The following SECISBP2 variants were observed in gnomAD, a reference collection of about 807,000 sequenced individuals.
SECISBP2 encodes the protein SECIS binding protein 2.
A neutral mutation model predicts 98.2 loss-of-function variants in SECISBP2; 96 were observed. That is an observed-to-expected ratio of 0.98 (90% confidence interval 0.83 to 1.16). The LOEUF (loss-of-function observed/expected upper bound fraction) is 1.16, where lower values mean the gene tolerates loss of function less well. Ranked by LOEUF, SECISBP2 falls within the 50% of genes most tolerant of loss-of-function variation. The pLI, the probability that SECISBP2 is intolerant of heterozygous loss-of-function variation, is 0.00. For missense variants in SECISBP2, 1,046 were observed against 1,022.9 expected (o/e 1.02, Z -0.31); for synonymous variants, 407 against 370.2 (o/e 1.10, Z -1.14).
At chr9:89,330,091 A>G (rs1347559539) in intron 5 of SECISBP2, 2 of 152,218 alleles carry the variant, frequency 1.3e-5, no homozygotes, top group Non-Finnish European at 2.9e-5. Flanking sequence ...TGTTTTGTTT[A>G]AAGTCACAGT....
At chr9:89,336,106 T>TTTTTC (rs1828657286) in intron 7 of SECISBP2, among the ~76,000 whole-genome samples, 1 of 144,186 alleles carries the variant, frequency 6.9e-6, no homozygotes, top group African/African-American at 2.6e-5. Context: ...TTTTTTTTTT[T>TTTTTC]TTCACTGCAG....
downstream of SECISBP2, chr9:89,364,055 A>C: frequency 6.2e-7 from 1 of 1,601,564 alleles, no homozygotes; most frequent in Non-Finnish European, 8.5e-7. Context: ...GTTGGACCTG[A>C]AGTGACTTGG....
At chr9:89,347,462 ATTC>A (rs1415863822) in intron 11 of SECISBP2, among the ~76,000 whole-genome samples, 1 of 132,282 alleles carries the variant, frequency 7.6e-6, no homozygotes, top group Non-Finnish European at 1.6e-5. Context: ...CCTCCGGTGA[ATTC>A]TTTTTTTTTT....
Position 89,328,717 on chromosome 9 carries a change from C to T in SECISBP2, c.632C>T (p.Thr211Ile), listed in dbSNP as rs1827205747. 4 of 1,614,168 alleles carry T rather than the reference C, an allele frequency of 2.5e-6. No individual in the cohort carries two copies. Among genetic ancestry groups the T allele is most frequent in the Non-Finnish European group, 3.4e-6 (4 of 1,180,012 alleles). Reference protein sequence around the residue: ...KSRIIAKNVSTSKPEFEFTTL... With the variant: ...KSRIIAKNVSISKPEFEFTTL... ...AGAATCATTGCAAAAAATGTATCTA[C>T]CTCCAAACCTGAGTTTGAATTTACC... The change falls in exon 5 of 17, where the codon ACC (threonine) becomes ATC (isoleucine). Residue 211 changes from threonine (T) to isoleucine (I), a missense_variant. Transcript: ENST00000375807.
intron 5 of SECISBP2, among the ~76,000 whole-genome samples, chr9:89,332,042 A>G (rs1827837101): frequency 6.6e-6 from 1 of 152,226 alleles, no homozygotes; most frequent in Non-Finnish European, 1.5e-5. Flanking sequence ...GGAAATTTTA[A>G]TTAGCATATA....
intron 14 of SECISBP2, among the ~76,000 whole-genome samples, chr9:89,352,851 T>A (rs940724388): frequency 3.3e-5 from 5 of 151,988 alleles, no homozygotes; most frequent in African/African-American, 4.8e-5. Flanking sequence ...TTTTTTTTTT[T>A]AATCACGTTG....
In SECISBP2 at chr9:89,325,624, A is replaced by G; in HGVS notation, c.380A>G (p.His127Arg). The change falls in exon 3 of 17, where the codon CAT becomes CGT. Residue 127 changes from histidine (H) to arginine (R), a missense_variant. Transcript: ENST00000375807. ...SCYRGFQTVK[H>R]RNENTCPLPQ... ...TACCGAGGTTTTCAAACAGTGAAGC[A>G]TCGAAATGAGAACACATGCCCTCTC... The G allele has an allele frequency of 6.2e-7, 1 of 1,614,204 alleles. No individual in the cohort carries two copies. Among genetic ancestry groups the G allele is most frequent in the African/African-American group, 1.3e-5 (1 of 75,068 alleles).
intron 2 of SECISBP2, 38 bp downstream of exon 2, chr9:89,319,835 AT>A: frequency 6.2e-7 from 1 of 1,607,008 alleles, no homozygotes; most frequent in Non-Finnish European, 8.5e-7. Context: ...AGGGGCTTAC[AT>A]TTTGGATTTA....
At chr9:89,364,034 C>A, downstream of SECISBP2, 1 of 1,611,090 alleles carries the variant, frequency 6.2e-7, no homozygotes, top group East Asian at 2.2e-5. Context: ...GGGGTTACCT[C>A]TGCTGTCCCA....
At chr9:89,343,701 A>G (rs991986713) in intron 10 of SECISBP2, among the ~76,000 whole-genome samples, 2 of 152,224 alleles carry the variant, frequency 1.3e-5, no homozygotes, top group African/African-American at 2.4e-5. Flanking sequence ...ATAGTATTCC[A>G]TGGTGTATAT....
chr9:89,342,212 AT>A (rs1194601294), intron 10 of SECISBP2, among the ~76,000 whole-genome samples: 1 of 152,272 alleles, frequency 6.6e-6, no homozygotes, highest in Non-Finnish European at 1.5e-5. Context: ...AGGGAAATAA[AT>A]ATTAATCAAA....
rs1827990748 is a variant in SECISBP2, at chr9:89,332,891, A to T, written c.802-17A>T. On this transcript the variant is annotated splice_polypyrimidine_tract_variant and intron_variant, in intron 5 of 16. Transcript: ENST00000375807. ...ATTTGCATTTCTCTGATGACATCTA[A>T]TGTGTTTGCTTTTTAGGGTGAAATA... The T allele has an allele frequency of 6.3e-7, 1 of 1,597,956 alleles. No individual in the cohort carries two copies. The highest frequency in any genetic ancestry group is 1.3e-5 in the African/African-American group (1 of 74,362).
rs932926768 is a variant in SECISBP2 at position 89,339,792 on chromosome 9, T to C, written c.1213-72T>C. On this transcript the variant is annotated intron_variant, in intron 8 of 16. Transcript: ENST00000375807. ...GGGACCTTACTGAAGAATGAAAATA[T>C]AAGCAAGGAAAAGGTTGCACTTGGC... 22 of 1,067,628 alleles carry C rather than the reference T, an allele frequency of 2.1e-5. 1 individual carries two copies. The highest frequency in any genetic ancestry group is 6.8e-5 in the Admixed American group (4 of 59,158). 66.1% of individuals were successfully genotyped at this position (1,067,628 alleles called of 1,614,324 possible). A position where few individuals can be genotyped will look rare whatever the true frequency, so the allele number is the denominator to read the frequency against.
At chr9:89,366,652 A>C in the SECISBP2 span, among the ~76,000 whole-genome samples, 2 of 152,250 alleles carry the variant, frequency 1.3e-5, no homozygotes, top group African/African-American at 4.8e-5. Context: ...ATATGTCTCT[A>C]TGTACATCTA....
chr9:89,334,636 C>T lies in SECISBP2; in HGVS notation c.995C>T (p.Ala332Val). The T allele has an allele frequency of 6.2e-7, 1 of 1,613,966 alleles. No homozygotes were observed. ...AACTTAAAGACCATTGCTTCATCAG[C>T]AGATCCTAAAAATGTTAGTATACCA... ...MINLKTIASS[A>V]DPKNVSIPSS... Residue 332 changes from alanine to valine, a missense_variant, in exon 7 of 17, where the codon GCA becomes GTA. Ala to Val is a moderately conservative substitution (Grantham distance 64). Coordinates refer to ENST00000375807, the MANE Select transcript of SECISBP2 (RefSeq NM_024077.5).
At chr9:89,350,580 C>T in intron 13 of SECISBP2, 52 bp from the exon 14 acceptor site, 2 of 1,505,178 alleles carry the variant, frequency 1.3e-6, no homozygotes, top group Non-Finnish European at 1.8e-6. Context: ...GGGAGCAGTG[C>T]TGCAGTGTCA....
In SECISBP2 at chr9:89,357,460, G is replaced by A. The variant is rs887270868; in HGVS notation, c.2163G>A (p.Gln721=). The A allele has an allele frequency of 2.5e-6, 4 of 1,614,180 alleles. No homozygotes were observed. Among genetic ancestry groups the A allele is most frequent in the Non-Finnish European group, 3.4e-6 (4 of 1,180,032 alleles). Residue 721 remains glutamine (Q), a synonymous_variant, in exon 15 of 17, where the codon CAG becomes CAA. Coordinates refer to ENST00000375807, the MANE Select transcript of SECISBP2 (RefSeq NM_024077.5). The part of the protein sequence containing the change: ...LHTIIDYACE[Q]NIPFVFALNR... Reference sequence around the variant, plus strand: ...CAATTATTGATTATGCCTGTGAGCAGAACATTCCCTTTGTGTTTGCTCTCA... The same window carrying A: ...CAATTATTGATTATGCCTGTGAGCAAAACATTCCCTTTGTGTTTGCTCTCA...
rs1207508166 is a variant in SECISBP2, at chr9:89,325,914, G to GA, written c.457dup (p.Thr153AsnfsTer3). On this transcript the variant is annotated frameshift_variant, in exon 4 of 17. Coordinates refer to ENST00000375807, the MANE Select transcript of SECISBP2 (RefSeq NM_024077.5). LOFTEE classifies it high-confidence loss of function. The stretch of plus-strand genomic sequence containing the variant: ...TCCTGCAGAAGAAAACCTATGATGA[G>GA]AAAAAAACGTATGATCAGCAAAAGT... 3.1e-6 allele frequency: 5 copies of GA among 1,613,820 alleles called. No individual in the cohort carries two copies. The highest frequency in any genetic ancestry group is 1.7e-4 in the Middle Eastern group (1 of 6,060).
downstream of SECISBP2, chr9:89,362,108 T>A: frequency 1.8e-6 from 1 of 565,166 alleles, no homozygotes; most frequent in Admixed American, 3.0e-5. Flanking sequence ...CGAGCAGCTA[T>A]CAAAGCCTGT....
Sources: gnomAD v4.1 joint callset for allele counts (sites outside exome capture counted in the v4.1 genomes callset) on GRCh38, gnomAD v4.1.1 for gene constraint, MANE v1.5 for transcripts, NCBI Gene and HGNC (gene_info 2026-07-23, HGNC 2026-07-21) for gene names.